Variants in GRB10 observed in about 807,000 individuals in gnomAD.
GRB10 encodes growth factor receptor bound protein 10.
A neutral mutation model predicts 80.9 loss-of-function variants in GRB10; 20 were observed. The ratio of observed to expected loss-of-function variants is 0.25; its 90% CI spans 0.17 to 0.36. The LOEUF is 0.36. Among genes scored for constraint, GRB10 ranks in the 10% least tolerant of loss-of-function variants. The pLI is 1.00. For synonymous variants in GRB10, 291 were observed against 291.5 expected (o/e 1.00, Z 0.02); for missense variants, 548 against 747.7 (o/e 0.73, Z 3.12).
intron 4 of GRB10, among the ~76,000 whole-genome samples, chr7:50,706,854 G>A (rs2065103061): frequency 6.6e-6 from 1 of 152,134 alleles, no homozygotes; most frequent in Non-Finnish European, 1.5e-5. Context: ...GTTTATGATG[G>A]AAAACAAGCC....
At chr7:50,717,907 G>A (rs138860822) in intron 4 of GRB10, among the ~76,000 whole-genome samples, 40 of 152,320 alleles carry the variant, frequency 2.6e-4, no homozygotes, top group Admixed American at 4.6e-4. Flanking sequence ...CAAGGCCATG[G>A]CCATGCTTTG....
In GRB10 at chr7:50,591,639, A is replaced by G. The variant is rs966971929; in HGVS notation, c.*1313T>C. The G allele has an allele frequency of 2.6e-5, 4 of 152,290 alleles. No homozygotes were observed. Among genetic ancestry groups the G allele is most frequent in the Admixed American group, 1.3e-4 (2 of 15,294 alleles). The allele number at this position is 152,290 out of a possible 1,614,324, so 9.4% of individuals were successfully genotyped here. ...GGACCAAGTGACAACTCAAGCCACCATCTGACTCATCTCCCGGAGCGGGGA... is the reference window on the plus strand; with the variant it reads ...GGACCAAGTGACAACTCAAGCCACCGTCTGACTCATCTCCCGGAGCGGGGA... On this transcript the variant is annotated 3_prime_UTR_variant, in exon 19 of 19. Transcript: ENST00000401949.
rs1451145674 is a variant in GRB10 at position 50,612,075 on chromosome 7, G to T, written c.1194+666C>A. On this transcript the variant is annotated intron_variant, in intron 13 of 18. Transcript: ENST00000401949. Reference sequence around the variant, plus strand: ...AACTGGCATGAAATTGCTGTCAAGGGCATTACTCTATATGCAGTACCACGT... The same window carrying T: ...AACTGGCATGAAATTGCTGTCAAGGTCATTACTCTATATGCAGTACCACGT... Among the ~76,000 whole-genome samples the T allele has an allele frequency of 2.6e-5, 4 of 152,250 alleles. No individual in the cohort carries two copies. The East Asian group carries it at 5.8e-4, about 22-fold the overall frequency.
At chr7:50,720,004 C>T (rs936656362) in intron 4 of GRB10, among the ~76,000 whole-genome samples, 1 of 152,138 alleles carries the variant, frequency 6.6e-6, no homozygotes, top group African/African-American at 2.4e-5. Context: ...AAATCCTTCA[C>T]AGAACTTGAA....
At chr7:50,681,065 A>C (rs1317619073) in intron 5 of GRB10, among the ~76,000 whole-genome samples, 1 of 152,226 alleles carries the variant, frequency 6.6e-6, no homozygotes, top group African/African-American at 2.4e-5. Context: ...AGCTACATTT[A>C]AATATACACA....
intron 2 of GRB10, among the ~76,000 whole-genome samples, chr7:50,764,016 C>T (rs2076065029): frequency 6.6e-6 from 1 of 152,274 alleles, no homozygotes; most frequent in Non-Finnish European, 1.5e-5. Flanking sequence ...CTGTCCCATG[C>T]TGGAGTCACC....
intron 5 of GRB10, among the ~76,000 whole-genome samples, chr7:50,700,696 G>A (rs1482563343): frequency 1.3e-5 from 2 of 152,050 alleles, no homozygotes; most frequent in Non-Finnish European, 2.9e-5. Context: ...TATTTCCATT[G>A]CAATTTCCTC....
At chr7:50,742,109 C>T (rs1333452516) in intron 3 of GRB10, among the ~76,000 whole-genome samples, 1 of 151,802 alleles carries the variant, frequency 6.6e-6, no homozygotes, top group African/African-American at 2.4e-5. Flanking sequence ...ACCCACCTAC[C>T]AATATAAAGA....
At chr7:50,749,232 G>A (rs144548548) in intron 3 of GRB10, among the ~76,000 whole-genome samples, 84 of 150,586 alleles carry the variant, frequency 5.6e-4, no homozygotes, top group Middle Eastern at 3.4e-3. Context: ...AGGTTCAAGC[G>A]ATTCTCCTGC....
rs2153579332 is a variant in GRB10 at position 50,614,781 on chromosome 7, G to C, written c.1084C>G (p.Leu362Val). 3 of 1,611,756 alleles carry C rather than the reference G, an allele frequency of 1.9e-6. No homozygotes were observed. The East Asian group carries it at 6.7e-5, about 36-fold the overall frequency. ...CAGCTCGTGGGTACCTTTATGCAGA[G>C]CCCGTGGTCTGTAGGGGCGTTGTAC... ...KQYNAPTDHG[L>V]CIKPNKVRNE... Residue 362 changes from leucine to valine, a missense_variant, in exon 12 of 19, where the codon CTC becomes GTC. Coordinates refer to ENST00000401949, the MANE Select transcript of GRB10 (RefSeq NM_001350814.2).
chr7:50,717,901 G>A (rs958380941), intron 4 of GRB10, among the ~76,000 whole-genome samples: 1 of 152,216 alleles, frequency 6.6e-6, no homozygotes, highest in African/African-American at 2.4e-5. Flanking sequence ...CAACCACAAG[G>A]CCATGGCCAT....
intron 2 of GRB10, among the ~76,000 whole-genome samples, 172 bp downstream of exon 2, chr7:50,780,455 C>G (rs1251082745): frequency 6.6e-6 from 1 of 152,192 alleles, no homozygotes; most frequent in African/African-American, 2.4e-5. Flanking sequence ...TGCTAACTTT[C>G]TAACTGAATC....
chr7:50,667,062 G>GGA (rs1419587589), intron 7 of GRB10, among the ~76,000 whole-genome samples: 1 of 112,982 alleles, frequency 8.9e-6, no homozygotes, highest in Non-Finnish European at 1.9e-5. Flanking sequence ...AAAAAAAAAA[G>GGA]GAGAGAGGCA....
intron 4 of GRB10, among the ~76,000 whole-genome samples, chr7:50,730,501 A>G (rs2069496469): frequency 6.6e-6 from 1 of 152,196 alleles, no homozygotes; most frequent in Non-Finnish European, 1.5e-5. Flanking sequence ...CTGTCATCTT[A>G]TTTTCCAGGA....
intron 4 of GRB10, among the ~76,000 whole-genome samples, chr7:50,724,614 G>A (rs1023777377): frequency 6.6e-6 from 1 of 152,176 alleles, no homozygotes; most frequent in African/African-American, 2.4e-5. Context: ...CTGAAGTGTT[G>A]ATTAGTTCTG....
intron 13 of GRB10, among the ~76,000 whole-genome samples, chr7:50,611,956 A>G (rs1401143978): frequency 6.6e-6 from 1 of 152,228 alleles, no homozygotes; most frequent in Non-Finnish European, 1.5e-5. Flanking sequence ...CTGTAGACTT[A>G]ATTCCAGACA....
chr7:50,661,152 G>A (rs958367563), intron 7 of GRB10, among the ~76,000 whole-genome samples: 14 of 152,228 alleles, frequency 9.2e-5, no homozygotes, highest in Non-Finnish European at 1.8e-4. Context: ...TACATTCTGT[G>A]AAACAACCTG....
intron 11 of GRB10, among the ~76,000 whole-genome samples, chr7:50,615,536 G>C (rs1476206684): frequency 4.6e-5 from 7 of 152,222 alleles, no homozygotes; most frequent in African/African-American, 1.7e-4. Flanking sequence ...CCGGTTCCCA[G>C]ATGCTCAACA....
chr7:50,770,956 G>T (rs559331872), intron 2 of GRB10, among the ~76,000 whole-genome samples: 1 of 152,134 alleles, frequency 6.6e-6, no homozygotes, highest in African/African-American at 2.4e-5. Flanking sequence ...CAGTGTCAAG[G>T]CGCCCTAGGA....
Sources: gnomAD v4.1 joint callset for allele counts (sites outside exome capture counted in the v4.1 genomes callset) on GRCh38, gnomAD v4.1.1 for gene constraint, MANE v1.5 for transcripts, NCBI Gene and HGNC (gene_info 2026-07-23, HGNC 2026-07-21) for gene names.